Variants in DAB1 observed in about 807,000 individuals in gnomAD.
DAB1 encodes disabled homolog 1.
DAB1 carries 15 observed loss-of-function variants against 64.6 expected under a neutral mutation model. The observed-to-expected ratio is 0.23, with a 90% confidence interval of 0.16 to 0.36. DAB1 has a LOEUF of 0.36. Ranked by LOEUF, DAB1 falls within the 10% of genes least tolerant of loss-of-function variation. DAB1 has a pLI of 1.00. For missense variants in DAB1, 596 were observed against 706.7 expected, an observed-to-expected ratio of 0.84 and a Z score of 1.78; for synonymous variants, 235 against 251.9, an observed-to-expected ratio of 0.93 and a Z score of 0.64.
intron 14 of DAB1, among the ~76,000 whole-genome samples, chr1:57,006,182 T>G (rs79791673): frequency 0.012 from 1,790 of 152,300 alleles, 36 homozygotes; most frequent in African/African-American, 0.041. Flanking sequence ...GTATTCTACT[T>G]GCACTCACTA....
chr1:58,189,951 T>C (rs1657296010), intron 4 of DAB1, among the ~76,000 whole-genome samples: 1 of 152,186 alleles, frequency 6.6e-6, no homozygotes, highest in Non-Finnish European at 1.5e-5. Context: ...GTATTTGTCC[T>C]CCTTTTTCCT....
chr1:57,259,919 T>G (rs1670056711), intron 2 of DAB1, among the ~76,000 whole-genome samples: 1 of 152,202 alleles, frequency 6.6e-6, no homozygotes, highest in Admixed American at 6.5e-5. Flanking sequence ...GCTAATTTTC[T>G]GAGGAAGAGA....
At chr1:58,403,958 T>C (rs1386410154) in intron 3 of DAB1, among the ~76,000 whole-genome samples, 1 of 152,208 alleles carries the variant, frequency 6.6e-6, no homozygotes, top group Non-Finnish European at 1.5e-5. Flanking sequence ...AAATTTACAT[T>C]ATGGAAAAAC....
intron 4 of DAB1, among the ~76,000 whole-genome samples, chr1:57,110,821 C>T (rs1655590446): frequency 6.6e-6 from 1 of 152,076 alleles, no homozygotes; most frequent in Non-Finnish European, 1.5e-5. Context: ...TAGCTATGCC[C>T]ACTCGCAGAT....
intron 5 of DAB1, among the ~76,000 whole-genome samples, chr1:58,147,631 A>G (rs545548611): frequency 2.0e-5 from 3 of 152,234 alleles, no homozygotes; most frequent in South Asian, 2.1e-4. Flanking sequence ...AAAATAGTAT[A>G]GCCATTATGT....
rs188332967 is a variant in DAB1, at chr1:57,928,679, A to G, written n.388-44517T>C. ...TCTCCAAAGTTTTGCCTTTTCCACA[A>G]TGCCATATAGTTGAAATCACAAAGT... On this transcript the variant is annotated intron_variant and non_coding_transcript_variant, in intron 5 of 20. Transcript: ENST00000485760. 5.9e-5 allele frequency among the ~76,000 whole-genome samples: 9 copies of G among 152,278 alleles called. No individual in the cohort carries two copies. The East Asian group carries it at 1.7e-3, about 29-fold the overall frequency.
At chr1:57,505,856 T>C (rs1644337532) in intron 7 of DAB1, among the ~76,000 whole-genome samples, 1 of 151,980 alleles carries the variant, frequency 6.6e-6, no homozygotes, top group Non-Finnish European at 1.5e-5. Flanking sequence ...TTTTTTGTAG[T>C]GAGGGGCTTT....
intron 4 of DAB1, among the ~76,000 whole-genome samples, chr1:57,110,824 T>A (rs1412713221): frequency 6.6e-6 from 1 of 152,074 alleles, no homozygotes; most frequent in African/African-American, 2.4e-5. Flanking sequence ...CTATGCCCAC[T>A]CGCAGATGAC....
chr1:57,798,646 T>G (rs781740023), intron 6 of DAB1, among the ~76,000 whole-genome samples: 2 of 152,220 alleles, frequency 1.3e-5, no homozygotes, highest in Non-Finnish European at 2.9e-5. Context: ...GCTTCTCCCT[T>G]TCTGCCTATA....
chr1:58,451,335 C>A (rs1645134156), intron 3 of DAB1, among the ~76,000 whole-genome samples: 1 of 152,244 alleles, frequency 6.6e-6, no homozygotes, highest in Non-Finnish European at 1.5e-5. Context: ...TCAAGCGACC[C>A]TCCCACCTTA....
intron 1 of DAB1, among the ~76,000 whole-genome samples, chr1:57,398,642 T>C (rs112384147): frequency 1.4e-3 from 209 of 152,338 alleles, no homozygotes; most frequent in African/African-American, 4.7e-3. Context: ...TAAAAATGTA[T>C]TTCTTTCCTA....
intron 3 of DAB1, among the ~76,000 whole-genome samples, chr1:58,389,832 T>C (rs1272106684): frequency 6.6e-6 from 1 of 152,104 alleles, no homozygotes; most frequent in Non-Finnish European, 1.5e-5. Context: ...ATTCTAAAGA[T>C]ACAGAATCAC....
intron 5 of DAB1, among the ~76,000 whole-genome samples, chr1:58,076,511 C>A (rs547730706): frequency 1.4e-4 from 22 of 152,324 alleles, no homozygotes; most frequent in African/African-American, 5.1e-4. Flanking sequence ...AAGGAGCCAG[C>A]ATGTACTAAG....
upstream of DAB1, among the ~76,000 whole-genome samples, chr1:57,426,069 A>AC (rs1685273790): frequency 6.6e-6 from 1 of 152,224 alleles, no homozygotes; most frequent in Admixed American, 6.5e-5. Flanking sequence ...ATTCTCATTG[A>AC]CTGCCAAAAA....
intron 7 of DAB1, among the ~76,000 whole-genome samples, chr1:57,519,368 C>G (rs990632072): frequency 6.6e-6 from 1 of 152,230 alleles, no homozygotes; most frequent in Admixed American, 6.5e-5. Flanking sequence ...TGGACCACCT[C>G]TCGCCACTGC....
intron 4 of DAB1, among the ~76,000 whole-genome samples, chr1:58,220,856 CACATATAT>C (rs904600849): frequency 9.6e-5 from 11 of 114,696 alleles, no homozygotes; most frequent in African/African-American, 2.7e-4. Context: ...CACATTTATA[CACATATAT>C]ACATATATAC....
At chr1:58,400,828 T>C (rs1644562506) in intron 3 of DAB1, among the ~76,000 whole-genome samples, 1 of 152,200 alleles carries the variant, frequency 6.6e-6, no homozygotes, top group African/African-American at 2.4e-5. Context: ...AATTATTATT[T>C]AGGTGTTTTG....
At chr1:57,620,415 T>C (rs1645843443) in intron 7 of DAB1, among the ~76,000 whole-genome samples, 1 of 152,242 alleles carries the variant, frequency 6.6e-6, no homozygotes, top group Non-Finnish European at 1.5e-5. Context: ...GGGAAAATGC[T>C]AGTTTTGTAT....
At position 57,691,521 on chromosome 1, in the gene DAB1, T is replaced by C. The variant is rs183806419; in HGVS notation, n.552-41856A>G. 1.2e-3 allele frequency among the ~76,000 whole-genome samples: 189 copies of C among 152,204 alleles called. 1 individual carries two copies. Among genetic ancestry groups the C allele is most frequent in the African/African-American group, 4.2e-3 (173 of 41,538 alleles). Reference sequence around the variant, plus strand: ...TTATTCTTTCGCTCTTCACAATAAATCTTGCTACTGATCACTCTTTGGGTC... The same window carrying C: ...TTATTCTTTCGCTCTTCACAATAAACCTTGCTACTGATCACTCTTTGGGTC... On this transcript the variant is annotated intron_variant and non_coding_transcript_variant, in intron 6 of 20. Transcript: ENST00000485760.
Sources: gnomAD v4.1 joint callset for allele counts (sites outside exome capture counted in the v4.1 genomes callset) on GRCh38, gnomAD v4.1.1 for gene constraint, MANE v1.5 for transcripts, NCBI Gene and HGNC (gene_info 2026-07-23, HGNC 2026-07-21) for gene names.